CADM2: variants seen among roughly 807,000 people sequenced by gnomAD.
The protein encoded by CADM2 is immunoglobulin superfamily member 4D.
CADM2 carries 12 observed loss-of-function variants against 49.8 expected under a neutral mutation model. The observed-to-expected ratio is 0.24, with a 90% CI of 0.15 to 0.39. CADM2 has a LOEUF of 0.39. CADM2 is among the 10% of genes least tolerant of loss of function. The pLI is 1.00. For synonymous variants in CADM2, 214 were observed against 175.4 expected, an observed-to-expected ratio of 1.22 and a Z score of -1.74; for missense variants, 378 against 492.3, an observed-to-expected ratio of 0.77 and a Z score of 2.20.
At chr3:85,366,743 A>T (rs576982765) in intron 1 of CADM2, among the ~76,000 whole-genome samples, 2 of 152,118 alleles carry the variant, frequency 1.3e-5, no homozygotes, top group Non-Finnish European at 2.9e-5. Flanking sequence ...AAAATACTAA[A>T]TCTGTCACTC....
intron 1 of CADM2, among the ~76,000 whole-genome samples, chr3:85,088,633 A>G (rs1310048211): frequency 6.6e-6 from 1 of 152,122 alleles, no homozygotes; most frequent in African/African-American, 2.4e-5. Flanking sequence ...AAGCAGAAAT[A>G]GAAAAAAATA....
intron 1 of CADM2, among the ~76,000 whole-genome samples, chr3:85,724,753 CA>C (rs1433378072): frequency 4.0e-5 from 6 of 151,796 alleles, no homozygotes; most frequent in African/African-American, 1.4e-4. Flanking sequence ...TTGATTATCT[CA>C]GTTGCTGACA....
intron 6 of CADM2, among the ~76,000 whole-genome samples, chr3:85,924,782 A>G (rs1282163033): frequency 1.3e-5 from 2 of 152,088 alleles, no homozygotes; most frequent in South Asian, 4.1e-4. Context: ...CACACTGCCA[A>G]ACATGTCTTC....
intron 1 of CADM2, among the ~76,000 whole-genome samples, chr3:85,118,466 G>T (rs1006431120): frequency 6.6e-5 from 10 of 152,086 alleles, no homozygotes; most frequent in Non-Finnish European, 1.5e-5. Flanking sequence ...AAAGCAAAAG[G>T]CACGACGAAC....
At chr3:85,342,982 G>A (rs2030076764) in intron 1 of CADM2, among the ~76,000 whole-genome samples, 2 of 152,138 alleles carry the variant, frequency 1.3e-5, no homozygotes, top group Non-Finnish European at 2.9e-5. Context: ...TAATACATGA[G>A]TTTTGCTTTT....
intron 1 of CADM2, among the ~76,000 whole-genome samples, chr3:85,411,060 C>T (rs1482683603): frequency 6.6e-6 from 1 of 152,186 alleles, no homozygotes; most frequent in Non-Finnish European, 1.5e-5. Flanking sequence ...CTAGTGCACT[C>T]TGAAGTACAA....
intron 1 of CADM2, among the ~76,000 whole-genome samples, chr3:85,235,779 T>A (rs1428578255): frequency 6.6e-6 from 1 of 152,158 alleles, no homozygotes; most frequent in Non-Finnish European, 1.5e-5. Context: ...TAATTTTGCT[T>A]TTTTACCTCT....
At chr3:85,780,039 A>G (rs1028432349) in intron 2 of CADM2, among the ~76,000 whole-genome samples, 22 of 151,628 alleles carry the variant, frequency 1.5e-4, no homozygotes, top group African/African-American at 5.3e-4. Context: ...AAGCTTCCAT[A>G]ACACTTAAGT....
At chr3:85,342,453 AATAATAATTTATTAATTGGGGAG>A (rs2029974147) in intron 1 of CADM2, among the ~76,000 whole-genome samples, 1 of 152,096 alleles carries the variant, frequency 6.6e-6, no homozygotes, top group South Asian at 2.1e-4. Flanking sequence ...TTTATTATTT[AATAATAATTTATTAATTGGGGAG>A]ATAATACATT....
chr3:85,483,623 G>A (rs913654029), intron 1 of CADM2, among the ~76,000 whole-genome samples: 1 of 149,898 alleles, frequency 6.7e-6, no homozygotes, highest in African/African-American at 2.4e-5. Context: ...AATGAGTATA[G>A]TATTTATGTA....
chr3:86,013,758 G>A (rs1731845479), intron 8 of CADM2: 1 of 1,590,766 alleles, frequency 6.3e-7, no homozygotes, highest in Admixed American at 1.7e-5. Context: ...AGAAATTTTG[G>A]CTGTGAAATT....
At chr3:85,396,898 T>A (rs2034819650) in intron 1 of CADM2, among the ~76,000 whole-genome samples, 3 of 152,028 alleles carry the variant, frequency 2.0e-5, no homozygotes. Context: ...AACAAAAAAT[T>A]AGATAAATTG....
intron 1 of CADM2, among the ~76,000 whole-genome samples, chr3:85,036,646 A>C (rs1270955538): frequency 6.6e-6 from 1 of 152,286 alleles, no homozygotes; most frequent in African/African-American, 2.4e-5. Flanking sequence ...AGCTAGAAGT[A>C]ACTCTATTAT....
chr3:85,036,364 G>C (rs540845338), intron 1 of CADM2, among the ~76,000 whole-genome samples: 51 of 152,128 alleles, frequency 3.4e-4, no homozygotes, highest in African/African-American at 1.2e-3. Flanking sequence ...ATTATAAGCA[G>C]TTGATTCAGG....
chr3:85,086,017 G>A (rs563274643), intron 1 of CADM2, among the ~76,000 whole-genome samples: 3 of 152,138 alleles, frequency 2.0e-5, no homozygotes, highest in East Asian at 3.9e-4. Flanking sequence ...GAAAAATTAC[G>A]AAGATGTTTA....
At chr3:85,959,507 G>A (rs1207768605) in intron 7 of CADM2, among the ~76,000 whole-genome samples, 1 of 151,800 alleles carries the variant, frequency 6.6e-6, no homozygotes. Flanking sequence ...CTTCTGATTA[G>A]AACATCTCAT....
intron 8 of CADM2, among the ~76,000 whole-genome samples, chr3:86,059,699 G>A (rs1409446785): frequency 6.6e-6 from 1 of 152,086 alleles, no homozygotes; most frequent in African/African-American, 2.4e-5. Context: ...TCTTTTTATT[G>A]CTATGAAATA....
chr3:85,380,755 T>G (rs2107352885), intron 1 of CADM2, among the ~76,000 whole-genome samples: 1 of 152,116 alleles, frequency 6.6e-6, no homozygotes, highest in Non-Finnish European at 1.5e-5. Context: ...CTCCATTTCC[T>G]ATTTTCTTTT....
At chr3:85,296,517 G>A (rs1236251674) in intron 1 of CADM2, among the ~76,000 whole-genome samples, 4 of 151,658 alleles carry the variant, frequency 2.6e-5, no homozygotes, top group African/African-American at 9.7e-5. Flanking sequence ...CAGATGATTA[G>A]GCCAGATATC....
Sources: gnomAD v4.1 joint callset for allele counts (sites outside exome capture counted in the v4.1 genomes callset) on GRCh38, gnomAD v4.1.1 for gene constraint, MANE v1.5 for transcripts, NCBI Gene and HGNC (gene_info 2026-07-23, HGNC 2026-07-21) for gene names.